The following TCEANC2 variants were observed in gnomAD, a reference collection of about 807,000 sequenced individuals.
TCEANC2 encodes the protein transcription elongation factor A N-terminal and central domain containing 2.
Under a neutral mutation model 22.8 loss-of-function variants are expected in TCEANC2, and 20 were observed. That is an observed-to-expected ratio of 0.88 (90% CI 0.62 to 1.28). TCEANC2 has a LOEUF of 1.28. Ranked by LOEUF, TCEANC2 falls within the 50% of genes most tolerant of loss-of-function variation. The probability of loss-of-function intolerance (pLI) is 0.00; values close to 1 mark genes in which losing one functional copy is unlikely to be tolerated. For missense variants in TCEANC2, 251 were observed against 249.7 expected (o/e 1.01, Z -0.03); for synonymous variants, 84 against 95.5 (o/e 0.88, Z 0.70).
In TCEANC2 at chr1:54,096,498, C is replaced by T. The variant is rs1181062012; in HGVS notation, c.*25C>T. The T allele has an allele frequency of 6.3e-7, 1 of 1,574,850 alleles. No individual in the cohort carries two copies. Among genetic ancestry groups the T allele is most frequent in the Admixed American group, 1.7e-5 (1 of 58,194 alleles). On this transcript the variant is annotated 3_prime_UTR_variant, in exon 5 of 5. Coordinates refer to ENST00000234827, the MANE Select transcript of TCEANC2 (RefSeq NM_153035.3). This position sits in a 1 kb window ranked among gnomAD's most constrained non-coding sequence, Gnocchi z 4.9. ...ACCTGAGGACGGTTCCAGCCCTGGG[C>T]CAGGCAGAGAGGAAAATGGGCCTGT...
intron 2 of TCEANC2, among the ~76,000 whole-genome samples, chr1:54,063,227 A>G (rs925002251): frequency 1.3e-5 from 2 of 152,218 alleles, no homozygotes; most frequent in African/African-American, 2.4e-5. Context: ...CCGAAACAGG[A>G]CTACCATATG....
At chr1:54,066,324 AAAAG>A (rs751839335) in intron 2 of TCEANC2, among the ~76,000 whole-genome samples, 4 of 152,144 alleles carry the variant, frequency 2.6e-5, no homozygotes, top group Non-Finnish European at 5.9e-5. Context: ...AAAGAAGAAA[AAAAG>A]AAGAGAAAAT....
chr1:54,074,094 G>A (rs964603183), intron 3 of TCEANC2, among the ~76,000 whole-genome samples: 1 of 152,200 alleles, frequency 6.6e-6, no homozygotes, highest in African/African-American at 2.4e-5. Context: ...AGAAATACAA[G>A]AGTGAAGCTA....
chr1:54,107,744 C>T (rs765726607), downstream of TCEANC2, among the ~76,000 whole-genome samples: 6 of 152,142 alleles, frequency 3.9e-5, no homozygotes, highest in Non-Finnish European at 7.3e-5. Flanking sequence ...ACATACACAA[C>T]CACGTTGTGT....
chr1:54,109,210 G>A (rs1658805792), downstream of TCEANC2, among the ~76,000 whole-genome samples: 1 of 152,246 alleles, frequency 6.6e-6, no homozygotes, highest in Non-Finnish European at 1.5e-5. Flanking sequence ...CAGAAATGCT[G>A]ACTTGTGAGC....
intron 2 of TCEANC2, among the ~76,000 whole-genome samples, chr1:54,062,458 T>C (rs568204864): frequency 1.7e-3 from 264 of 152,350 alleles, no homozygotes; most frequent in Admixed American, 3.0e-3. Context: ...CTGAAAACTG[T>C]ACTGTACTTA....
At chr1:54,056,137 C>G (rs1274255764) in intron 2 of TCEANC2, among the ~76,000 whole-genome samples, 1 of 152,132 alleles carries the variant, frequency 6.6e-6, no homozygotes, top group Non-Finnish European at 1.5e-5. Context: ...AGAACACATT[C>G]AAGGTTTTCA....
chr1:54,069,329 T>C (rs1658014585), intron 3 of TCEANC2, among the ~76,000 whole-genome samples: 1 of 152,116 alleles, frequency 6.6e-6, no homozygotes, highest in Non-Finnish European at 1.5e-5. Flanking sequence ...GGATTTGGGC[T>C]GGGTGTGGTG....
chr1:54,064,480 T>G (rs1432109113), intron 2 of TCEANC2, among the ~76,000 whole-genome samples: 3 of 152,190 alleles, frequency 2.0e-5, no homozygotes, highest in African/African-American at 7.2e-5. Context: ...CGTTGGTTAC[T>G]TGGCTTACAC....
intron 3 of TCEANC2, among the ~76,000 whole-genome samples, chr1:54,072,144 T>C (rs1321130326): frequency 3.3e-5 from 5 of 152,142 alleles, no homozygotes; most frequent in Non-Finnish European, 7.4e-5. Flanking sequence ...TTACTCTCTT[T>C]CGTTATTTCT....
In TCEANC2 at chr1:54,088,836, A is replaced by T. The variant is rs1425373913; in HGVS notation, c.438+46A>T. 3.6e-6 allele frequency: 5 copies of T among 1,379,802 alleles called. No homozygotes were observed. In the East Asian group the frequency reaches 1.1e-4, roughly 30 times the overall value. The allele number at this position is 1,379,802 out of a possible 1,614,324, so 85.5% of individuals were successfully genotyped here. On this transcript the variant is annotated intron_variant, in intron 4 of 4. Coordinates refer to ENST00000234827, the MANE Select transcript of TCEANC2 (RefSeq NM_153035.3). ...AACTGTTATGTACCCATAATAATTA[A>T]TTTTTAAAAGAAGAAAAATAAAGGT...
At chr1:54,058,345 T>A (rs1657791069) in intron 2 of TCEANC2, among the ~76,000 whole-genome samples, 1 of 152,208 alleles carries the variant, frequency 6.6e-6, no homozygotes, top group African/African-American at 2.4e-5. Context: ...TCCCTGTATA[T>A]TAAACATGTC....
rs998857878 is a variant in TCEANC2, at chr1:54,096,919, A to G, written c.*446A>G. 1.1e-5 allele frequency: 11 copies of G among 987,654 alleles called. No homozygotes were observed. Among genetic ancestry groups the G allele is most frequent in the Non-Finnish European group, 1.3e-5 (11 of 831,204 alleles). The allele number at this position is 987,654 out of a possible 1,614,324, so 61.2% of individuals were successfully genotyped here. On this transcript the variant is annotated 3_prime_UTR_variant, in exon 5 of 5. Transcript: ENST00000234827. The surrounding 1 kb of genome is among the most constrained non-coding windows in gnomAD (Gnocchi z 4.9). Reference sequence around the variant, plus strand: ...AGTTTAGATAGCTCTGGTGCCTCTCAGAACTCCCCTGTCTGTTCTCTTTGC... The same window carrying G: ...AGTTTAGATAGCTCTGGTGCCTCTCGGAACTCCCCTGTCTGTTCTCTTTGC...
chr1:54,094,620 T>A (rs1185437813), intron 4 of TCEANC2, among the ~76,000 whole-genome samples: 3 of 152,228 alleles, frequency 2.0e-5, no homozygotes, highest in African/African-American at 7.2e-5. Context: ...GTTCACAGTC[T>A]GTCTGTCCTA....
At chr1:54,107,335 C>T (rs527996114), downstream of TCEANC2, among the ~76,000 whole-genome samples, 1 of 152,320 alleles carries the variant, frequency 6.6e-6, no homozygotes, top group South Asian at 2.1e-4. Context: ...CTCATCACTT[C>T]ACAGCAGGGG....
In TCEANC2 at chr1:54,058,555, G is replaced by T. The variant is rs140424399; in HGVS notation, c.102+4031G>T. ...TAAAATAAAAGGCTTGGCATGGCAC[G>T]TGAGACCTGTTCTACCCCAGTGCGC... On this transcript the variant is annotated intron_variant, in intron 2 of 4. Transcript: ENST00000234827. 2.4e-4 allele frequency among the ~76,000 whole-genome samples: 36 copies of T among 152,286 alleles called. No homozygotes were observed. In the South Asian group the frequency reaches 7.3e-3, roughly 31 times the overall value.
At chr1:54,108,118 C>T (rs527951989), downstream of TCEANC2, among the ~76,000 whole-genome samples, 9 of 152,318 alleles carry the variant, frequency 5.9e-5, no homozygotes, top group South Asian at 1.9e-3. Context: ...CCAAAGGGTT[C>T]GCCTTCCTTG....
At chr1:54,084,527 C>G (rs1340449724) in intron 3 of TCEANC2, among the ~76,000 whole-genome samples, 1 of 152,120 alleles carries the variant, frequency 6.6e-6, no homozygotes, top group Non-Finnish European at 1.5e-5. Flanking sequence ...CTCCTCATCT[C>G]TGTATCCTCA....
downstream of TCEANC2, chr1:54,106,125 A>G (rs1658750989): frequency 6.6e-6 from 1 of 152,214 alleles, no homozygotes; most frequent in South Asian, 2.1e-4. Flanking sequence ...TAGCATGCCA[A>G]AACATGCTCT....
Sources: gnomAD v4.1 joint callset for allele counts (sites outside exome capture counted in the v4.1 genomes callset) on GRCh38, gnomAD v4.1.1 for gene constraint, Gnocchi (gnomAD v3.1) non-coding constraint, MANE v1.5 for transcripts, NCBI Gene and HGNC (gene_info 2026-07-23, HGNC 2026-07-21) for gene names.